NFKBIL1: variants seen among roughly 807,000 people sequenced by gnomAD.
The protein encoded by NFKBIL1 is NFKB inhibitor like 1, also known as NF-kappa-B inhibitor-like protein 1.
In NFKBIL1, 30 loss-of-function variants were observed where a neutral mutation model predicts 45.4. The observed-to-expected ratio is 0.66, with a 90% CI of 0.49 to 0.90. The LOEUF (loss-of-function observed/expected upper bound fraction) is 0.90, where lower values mean the gene tolerates loss of function less well. NFKBIL1 is among the 40% of genes least tolerant of loss of function. NFKBIL1 has a pLI of 0.00. For missense variants in NFKBIL1, 434 were observed against 513.4 expected (o/e 0.85, Z 1.49); for synonymous variants, 179 against 197.3 (o/e 0.91, Z 0.78).
chr6:31,558,003 A>T lies in NFKBIL1; in HGVS notation c.557-19A>T, dbSNP rs752782925. 3.6e-6 allele frequency: 2 copies of T among 551,502 alleles called. No homozygotes were observed. Among genetic ancestry groups the T allele is most frequent in the African/African-American group, 2.2e-5 (1 of 45,690 alleles). 34.2% of individuals were successfully genotyped at this position (551,502 alleles called of 1,614,324 possible). ...TCACAGCCTCTCTCCAACTACCCCC[A>T]TCCCACCCTCCCAAACAGGTGATGC... is the stretch of plus-strand genomic sequence containing the variant. On this transcript the variant is annotated intron_variant, in intron 3 of 3. Coordinates refer to ENST00000376148, the MANE Select transcript of NFKBIL1 (RefSeq NM_005007.4). This position sits in a 1 kb window ranked among gnomAD's most constrained non-coding sequence, Gnocchi z 7.2.
chr6:31,558,512 A>G lies in NFKBIL1; in HGVS notation c.1047A>G (p.Arg349=). ...GGCACCCTGACCGCTTCCTGCAGCG[A>G]TTCCGAAGCCAGATTGAGACCTGGG... The part of the protein sequence containing the change: ...VRWHPDRFLQ[R]FRSQIETWEL... Residue 349 remains arginine (R), a synonymous_variant, in exon 4 of 4, where the codon CGA becomes CGG. Coordinates refer to ENST00000376148, the MANE Select transcript of NFKBIL1 (RefSeq NM_005007.4). This position sits in a 1 kb window ranked among gnomAD's most constrained non-coding sequence, Gnocchi z 7.2. 1 of 1,558,666 alleles carries G rather than the reference A, an allele frequency of 6.4e-7. No homozygotes were observed. Among genetic ancestry groups the G allele is most frequent in the African/African-American group, 1.4e-5 (1 of 73,822 alleles).
At position 31,557,965 on chromosome 6, in the gene NFKBIL1, GC is replaced by G. The variant is rs145394686; in HGVS notation, c.557-54del. ...CCTCTGTGCTTCCCTGCTTCTTGGG[GC>G]CCATCACCTTCTCACAGCCTCTCTC... On this transcript the variant is annotated intron_variant, in intron 3 of 3. Coordinates refer to ENST00000376148, the MANE Select transcript of NFKBIL1 (RefSeq NM_005007.4). This position sits in a 1 kb window ranked among gnomAD's most constrained non-coding sequence, Gnocchi z 5.4. 0.021 allele frequency: 31,732 copies of G among 1,495,154 alleles called. 460 individuals are homozygous for G. Among genetic ancestry groups the G allele is most frequent in the Middle Eastern group, 0.031 (159 of 5,182 alleles). The allele number at this position is 1,495,154 out of a possible 1,614,324, so 92.6% of individuals were successfully genotyped here.
Position 31,558,519 on chromosome 6 carries a change from A to G in NFKBIL1, c.1054A>G (p.Ser352Gly). The G allele has an allele frequency of 6.4e-7, 1 of 1,561,020 alleles. No homozygotes were observed. Among genetic ancestry groups the G allele is most frequent in the Non-Finnish European group, 8.7e-7 (1 of 1,152,334 alleles). ...TGACCGCTTCCTGCAGCGATTCCGA[A>G]GCCAGATTGAGACCTGGGAGCTGGG... ...HPDRFLQRFR[S>G]QIETWELGRV... The change falls in exon 4 of 4, where the codon AGC becomes GGC. Residue 352 changes from serine (S) to glycine (G), a missense_variant. Transcript: ENST00000376148. This position sits in a 1 kb window ranked among gnomAD's most constrained non-coding sequence, Gnocchi z 7.2.
chr6:31,558,257 G>A lies in NFKBIL1; in HGVS notation c.792G>A (p.Arg264=), dbSNP rs1769883650. ...EEELRESRAR[R]AQEALGDREP... is the part of the protein sequence containing the mutation. ...AGCTGCGTGAGAGCCGAGCCAGGAG[G>A]GCGCAGGAGGCTCTAGGGGACCGAG... Residue 264 remains arginine, a synonymous_variant, in exon 4 of 4, where the codon AGG becomes AGA. Transcript: ENST00000376148. This position sits in a 1 kb window ranked among gnomAD's most constrained non-coding sequence, Gnocchi z 7.2. 6.3e-7 allele frequency: 1 copy of A among 1,591,974 alleles called. No individual in the cohort carries two copies. Among genetic ancestry groups the A allele is most frequent in the Non-Finnish European group, 8.6e-7 (1 of 1,169,356 alleles).
chr6:31,558,769 G>T lies in NFKBIL1; in HGVS notation c.*158G>T. The stretch of plus-strand genomic sequence containing the variant: ...TGTAACAAGTGGGGGTGGGGGGTGC[G>T]GGCCGCCACCACTGCTCCTTGACTC... On this transcript the variant is annotated 3_prime_UTR_variant, in exon 4 of 4. Coordinates refer to ENST00000376148, the MANE Select transcript of NFKBIL1 (RefSeq NM_005007.4). The surrounding 1 kb of genome is among the most constrained non-coding windows in gnomAD (Gnocchi z 7.2). 1 of 606,396 alleles carries T rather than the reference G, an allele frequency of 1.6e-6. No homozygotes were observed. The highest frequency in any genetic ancestry group is 2.8e-6 in the Non-Finnish European group (1 of 351,998). The allele number at this position is 606,396 out of a possible 1,614,324, so 37.6% of individuals were successfully genotyped here.
At position 31,557,780 on chromosome 6, in the gene NFKBIL1, C is replaced by G; in HGVS notation, c.487C>G (p.Arg163Gly). 1 of 1,612,366 alleles carries G rather than the reference C, an allele frequency of 6.2e-7. No individual in the cohort carries two copies. ...GGAAGAAGATGATGCCTCCAAGGAGCGGGAATGGAGACAGAAGCTCCAGGG... is the reference window on the plus strand; with the variant it reads ...GGAAGAAGATGATGCCTCCAAGGAGGGGGAATGGAGACAGAAGCTCCAGGG... Reference protein sequence around the residue: ...EEEEDDASKEREWRQKLQGEL... With the variant: ...EEEEDDASKEGEWRQKLQGEL... Residue 163 changes from arginine to glycine, a missense_variant, in exon 3 of 4, where the codon CGG becomes GGG. Arg to Gly is a moderately radical substitution (Grantham distance 125). Around this residue, in one of 4 missense-constraint regions of NFKBIL1, gnomAD observed 231 missense variants for 264.1 expected, o/e 0.87. Coordinates refer to ENST00000376148, the MANE Select transcript of NFKBIL1 (RefSeq NM_005007.4). This position sits in a 1 kb window ranked among gnomAD's most constrained non-coding sequence, Gnocchi z 5.4.
At chr6:31,553,716 T>C (rs534788571) in intron 2 of NFKBIL1, among the ~76,000 whole-genome samples, 164 of 152,230 alleles carry the variant, frequency 1.1e-3, no homozygotes, top group Non-Finnish European at 1.1e-3. Flanking sequence ...CAGGCTGGAG[T>C]CCAGTCGCGC....
chr6:31,558,635 T>C lies in NFKBIL1; in HGVS notation c.*24T>C, dbSNP rs1769923256. On this transcript the variant is annotated 3_prime_UTR_variant, in exon 4 of 4. Transcript: ENST00000376148. This position sits in a 1 kb window ranked among gnomAD's most constrained non-coding sequence, Gnocchi z 7.2. ...GACCCTAGGGAAGAAGCAAGAAACT[T>C]CGGGGCTGCAGCCTCAGGATGAGGC... The C allele has an allele frequency of 6.6e-7, 1 of 1,521,378 alleles. No homozygotes were observed. The highest frequency in any genetic ancestry group is 8.9e-7 in the Non-Finnish European group (1 of 1,125,546). 94.2% of individuals were successfully genotyped at this position (1,521,378 alleles called of 1,614,324 possible).
At chr6:31,551,402 G>T (rs1015334409) in intron 2 of NFKBIL1, among the ~76,000 whole-genome samples, 6 of 152,202 alleles carry the variant, frequency 3.9e-5, no homozygotes, top group Non-Finnish European at 1.5e-5. Context: ...GGCCCAAAAG[G>T]TTCGGGAACT....
At chr6:31,552,490 T>C (rs1769483625) in intron 2 of NFKBIL1, among the ~76,000 whole-genome samples, 1 of 151,916 alleles carries the variant, frequency 6.6e-6, no homozygotes, top group Non-Finnish European at 1.5e-5. Flanking sequence ...GGTTTCACCA[T>C]GTTAGCCAGG....
chr6:31,550,236 A>G (rs1769354258), intron 2 of NFKBIL1, among the ~76,000 whole-genome samples: 1 of 151,792 alleles, frequency 6.6e-6, no homozygotes, highest in African/African-American at 2.4e-5. Flanking sequence ...GCAGCTCTTT[A>G]TAGGTAGAGC....
upstream of NFKBIL1, chr6:31,547,539 C>A: frequency 2.0e-6 from 1 of 498,618 alleles, no homozygotes. Flanking sequence ...TAACGCCCCT[C>A]ACAGTTCACT....
intron 2 of NFKBIL1, among the ~76,000 whole-genome samples, chr6:31,555,594 CCTCT>C (rs1219556919): frequency 7.0e-6 from 1 of 142,140 alleles, no homozygotes; most frequent in Non-Finnish European, 1.5e-5. Flanking sequence ...ATTATCTGAT[CCTCT>C]CTCTCTCTCT....
chr6:31,546,955 T>C (rs974372130), upstream of NFKBIL1: 2 of 209,826 alleles, frequency 9.5e-6, no homozygotes, highest in East Asian at 2.1e-4. The surrounding 1 kb of genome is among the most constrained non-coding windows in gnomAD (Gnocchi z 4.1). Context: ...GCATAAAGGG[T>C]TGTGAATGCG....
In NFKBIL1 at chr6:31,558,256, G is replaced by C; in HGVS notation, c.791G>C (p.Arg264Thr). The C allele has an allele frequency of 6.3e-7, 1 of 1,592,078 alleles. No homozygotes were observed. Among genetic ancestry groups the C allele is most frequent in the Non-Finnish European group, 8.6e-7 (1 of 1,169,324 alleles). Reference protein sequence around the residue: ...EEELRESRARRAQEALGDREP... With the variant: ...EEELRESRARTAQEALGDREP... ...GAGCTGCGTGAGAGCCGAGCCAGGA[G>C]GGCGCAGGAGGCTCTAGGGGACCGA... The change falls in exon 4 of 4, where the codon AGG becomes ACG. Residue 264 changes from arginine to threonine, a missense_variant. Physicochemically the swap from Arg to Thr is moderately conservative, Grantham distance 71. Transcript: ENST00000376148. This position sits in a 1 kb window ranked among gnomAD's most constrained non-coding sequence, Gnocchi z 7.2.
chr6:31,551,882 C>T (rs1479022396), intron 2 of NFKBIL1, among the ~76,000 whole-genome samples: 1 of 151,994 alleles, frequency 6.6e-6, no homozygotes, highest in Admixed American at 6.6e-5. Context: ...CTGCCACCTC[C>T]GCCTCCTGGG....
At chr6:31,556,433 T>C (rs1438500214) in intron 2 of NFKBIL1, among the ~76,000 whole-genome samples, 2 of 152,120 alleles carry the variant, frequency 1.3e-5, no homozygotes, top group African/African-American at 4.8e-5. Context: ...AGAAAGTAGG[T>C]CCACAGGAAG....
At position 31,558,484 on chromosome 6, in the gene NFKBIL1, G is replaced by A. The variant is rs746296465; in HGVS notation, c.1019G>A (p.Arg340His). The A allele has an allele frequency of 9.7e-6, 15 of 1,552,302 alleles. No homozygotes were observed. The highest frequency in any genetic ancestry group is 9.6e-5 in the African/African-American group (7 of 73,274). ...AGGTACTTGAGGGTCCAGCAGGTCC[G>A]CTGGCACCCTGACCGCTTCCTGCAG... ...LRRYLRVQQV[R>H]WHPDRFLQRF... Residue 340 changes from arginine (R) to histidine (H), a missense_variant, in exon 4 of 4, where the codon CGC becomes CAC. By Grantham distance (29) the Arg-to-His change is conservative. Transcript: ENST00000376148. This position sits in a 1 kb window ranked among gnomAD's most constrained non-coding sequence, Gnocchi z 7.2.
chr6:31,558,301 C>G lies in NFKBIL1; in HGVS notation c.836C>G (p.Ala279Gly), dbSNP rs1461793520. 1.3e-6 allele frequency: 2 copies of G among 1,580,360 alleles called. No individual in the cohort carries two copies. Among genetic ancestry groups the G allele is most frequent in the East Asian group, 2.3e-5 (1 of 44,020 alleles). Reference protein sequence around the residue: ...LGDREPKPTRAGPREEHPRGA... With the variant: ...LGDREPKPTRGGPREEHPRGA... The stretch of plus-strand genomic sequence containing the variant: ...GACCGAGAACCCAAGCCAACCAGGG[C>G]CGGGCCCAGGGAAGAGCACCCCAGA... Residue 279 changes from alanine to glycine, a missense_variant, in exon 4 of 4, where the codon GCC becomes GGC. Ala to Gly is a moderately conservative substitution (Grantham distance 60, BLOSUM62 0). Transcript: ENST00000376148. The surrounding 1 kb of genome is among the most constrained non-coding windows in gnomAD (Gnocchi z 7.2).
Sources: allele counts gnomAD v4.1 joint callset (sites outside exome capture counted in the v4.1 genomes callset), GRCh38; gene constraint gnomAD v4.1.1; regional missense constraint gnomAD v4.1.1; non-coding constraint Gnocchi (gnomAD v3.1); transcripts MANE v1.5; gene names NCBI Gene and HGNC (gene_info 2026-07-23, HGNC 2026-07-21).